Variants in FBRSL1 observed in about 807,000 individuals in gnomAD.
FBRSL1 encodes fibrosin-1-like protein.
Under a neutral mutation model 89.6 loss-of-function variants are expected in FBRSL1, and 51 were observed. The ratio of observed to expected loss-of-function variants is 0.57; its 90% confidence interval spans 0.45 to 0.72. The LOEUF is 0.72. FBRSL1 is among the 30% of genes least tolerant of loss of function. FBRSL1 has a pLI of 0.00. For synonymous variants in FBRSL1, 779 were observed against 681.1 expected (o/e 1.14, Z -2.24); for missense variants, 1,618 against 1,451.8 (o/e 1.11, Z -1.86).
chr12:132,516,837 C>A (rs753476059), intron 2 of FBRSL1, among the ~76,000 whole-genome samples: 1 of 152,198 alleles, frequency 6.6e-6, no homozygotes, highest in Non-Finnish European at 1.5e-5. Flanking sequence ...GGGCAGCTTT[C>A]TGGGCCTCAG....
chr12:132,570,516 C>T lies in FBRSL1; in HGVS notation c.1189C>T (p.Leu397=), dbSNP rs2039937399. The change falls in exon 8 of 19, where the codon CTG becomes TTG. Residue 397 remains leucine, a synonymous_variant. Coordinates refer to ENST00000680143, the MANE Select transcript of FBRSL1 (RefSeq NM_001367871.1). ...GCCCCCGGCGCTGCCGGCCAGCAGCCTGGTCCTCCCAGGACACCCGGCCGG... is the reference window on the plus strand; with the variant it reads ...GCCCCCGGCGCTGCCGGCCAGCAGCTTGGTCCTCCCAGGACACCCGGCCGG... The part of the protein sequence containing the change: ...PPPPALPASS[L]VLPGHPADAS... The T allele has an allele frequency of 6.6e-7, 1 of 1,524,446 alleles. No homozygotes were observed. Among genetic ancestry groups the T allele is most frequent in the Non-Finnish European group, 8.8e-7 (1 of 1,141,050 alleles). 94.4% of individuals were successfully genotyped at this position (1,524,446 alleles called of 1,614,324 possible). A position where few individuals can be genotyped will look rare whatever the true frequency, so the allele number is the denominator to read the frequency against.
intron 15 of FBRSL1, chr12:132,581,056 A>G (rs1048998701): frequency 6.5e-5 from 64 of 985,358 alleles, no homozygotes; most frequent in Non-Finnish European, 7.1e-5. Flanking sequence ...AGAAGTGAGG[A>G]CCATCTATCA....
In FBRSL1 at chr12:132,583,450, G is replaced by A. The variant is rs2040933540; in HGVS notation, c.2681G>A (p.Ser894Asn). 3 of 1,064,010 alleles carry A rather than the reference G, an allele frequency of 2.8e-6. No homozygotes were observed. Among genetic ancestry groups the A allele is most frequent in the Admixed American group, 1.1e-4 (2 of 17,450 alleles). The allele number at this position is 1,064,010 out of a possible 1,614,324, so 65.9% of individuals were successfully genotyped here. A position where few individuals can be genotyped will look rare whatever the true frequency, so the allele number is the denominator to read the frequency against. The part of the protein sequence containing the change: ...PYRDREPHGY[S>N]PERLRGELER... ...CGCGACCGCGAGCCCCACGGCTACA[G>A]CCCCGAGCGCCTGCGCGGGGAGCTG... Residue 894 changes from serine (S) to asparagine (N), a missense_variant, in exon 19 of 19, where the codon AGC becomes AAC. Ser to Asn is a conservative substitution (Grantham distance 46). Coordinates refer to ENST00000680143, the MANE Select transcript of FBRSL1 (RefSeq NM_001367871.1).
At position 132,574,118 on chromosome 12, in the gene FBRSL1, G is replaced by C; in HGVS notation, c.1559G>C (p.Arg520Pro). Residue 520 changes from arginine (R) to proline (P), a missense_variant, in exon 12 of 19, where the codon CGG (arginine) becomes CCG (proline). Transcript: ENST00000680143. Reference sequence around the variant, plus strand: ...TCAAGCCCCATTGAGGTGGCCCGCCGGGCTGGTGCGGTTCACACACTCCTG... The same window carrying C: ...TCAAGCCCCATTGAGGTGGCCCGCCCGGCTGGTGCGGTTCACACACTCCTG... The part of the protein sequence containing the change: ...KTSSPIEVAR[R>P]AGAVHTLLQK... 2.2e-6 allele frequency: 3 copies of C among 1,356,134 alleles called. No homozygotes were observed. The highest frequency in any genetic ancestry group is 2.8e-6 in the Non-Finnish European group (3 of 1,059,600). 84.0% of individuals were successfully genotyped at this position (1,356,134 alleles called of 1,614,324 possible).
At chr12:132,519,999 G>A (rs2035202272) in intron 2 of FBRSL1, among the ~76,000 whole-genome samples, 1 of 151,780 alleles carries the variant, frequency 6.6e-6, no homozygotes, top group Non-Finnish European at 1.5e-5. Context: ...AGCGTGTATG[G>A]GTGGTGAGGA....
chr12:132,567,634 C>T (rs2137808464), intron 6 of FBRSL1, 108 bp downstream of exon 6: 3 of 1,185,316 alleles, frequency 2.5e-6, no homozygotes, highest in South Asian at 2.7e-5. Context: ...ATGGTCTTGG[C>T]ACCTGGGGTG....
rs529677067 is a variant in FBRSL1, at chr12:132,573,748, C to T, written c.1531-342C>T. Among the ~76,000 whole-genome samples the T allele has an allele frequency of 2.1e-3, 321 of 152,294 alleles. 1 individual carries two copies. The highest frequency in any genetic ancestry group is 7.3e-3 in the African/African-American group (302 of 41,556). ...CCCTGGTGGGAAACGACCATCTCCC[C>T]TTGGCCCATCCAGGCTCACAGCAGC... On this transcript the variant is annotated intron_variant, in intron 11 of 18. Coordinates refer to ENST00000680143, the MANE Select transcript of FBRSL1 (RefSeq NM_001367871.1).
At chr12:132,536,605 GGT>G (rs1296382080) in intron 4 of FBRSL1, among the ~76,000 whole-genome samples, 4 of 150,388 alleles carry the variant, frequency 2.7e-5, no homozygotes, top group African/African-American at 4.9e-5. Context: ...TGTACATGAC[GGT>G]GTGTGTGTGA....
chr12:132,579,701 C>T (rs2138104324), intron 15 of FBRSL1, among the ~76,000 whole-genome samples: 1 of 152,328 alleles, frequency 6.6e-6, no homozygotes, highest in South Asian at 2.1e-4. Flanking sequence ...CCTTTACTTT[C>T]CTGTGCTGCA....
chr12:132,528,940 G>GC (rs973972655), intron 4 of FBRSL1, among the ~76,000 whole-genome samples: 10 of 152,114 alleles, frequency 6.6e-5, no homozygotes, highest in African/African-American at 2.4e-4. Context: ...GCCGACCCCT[G>GC]CCCCCCGGAC....
At position 132,572,628 on chromosome 12, in the gene FBRSL1, G is replaced by A. The variant is rs546036067; in HGVS notation, c.1530+6G>A. The A allele has an allele frequency of 1.4e-5, 22 of 1,544,246 alleles. No individual in the cohort carries two copies. The highest frequency in any genetic ancestry group is 3.6e-5 in the South Asian group (3 of 83,990). ...AGGGCGCTTTTCAGCCTAAGGTACC[G>A]CTGCCCCTGGCAGGTGGGGCGGGCA... On this transcript the variant is annotated splice_donor_region_variant and intron_variant, in intron 11 of 18. Transcript: ENST00000680143.
chr12:132,540,974 T>C (rs988212897), intron 4 of FBRSL1, among the ~76,000 whole-genome samples: 1 of 151,708 alleles, frequency 6.6e-6, no homozygotes, highest in African/African-American at 2.4e-5. Flanking sequence ...GGGTACAGCC[T>C]CCCACCACAC....
At chr12:132,577,629 AC>A (rs1365747463) in intron 15 of FBRSL1, among the ~76,000 whole-genome samples, 4 of 149,194 alleles carry the variant, frequency 2.7e-5, no homozygotes, top group Non-Finnish European at 4.5e-5. Context: ...CCCCCGAGTC[AC>A]CCCCTCCCCC....
intron 5 of FBRSL1, among the ~76,000 whole-genome samples, chr12:132,557,558 T>C (rs2038780200): frequency 6.6e-6 from 1 of 152,138 alleles, no homozygotes; most frequent in East Asian, 1.9e-4. Flanking sequence ...TGTTCCAGGA[T>C]GGTCAGTGCT....
At chr12:132,567,926 G>A (rs184795679) in intron 6 of FBRSL1, among the ~76,000 whole-genome samples, 24 of 152,314 alleles carry the variant, frequency 1.6e-4, no homozygotes, top group Admixed American at 6.5e-5. Context: ...TGCTGCCTGC[G>A]CGCCTCTGTG....
At chr12:132,501,006 C>T (rs946520483) in intron 1 of FBRSL1, among the ~76,000 whole-genome samples, 1 of 152,252 alleles carries the variant, frequency 6.6e-6, no homozygotes, top group Non-Finnish European at 1.5e-5. Context: ...GTGCCTCTCC[C>T]CAGGGACCAT....
chr12:132,502,274 G>A (rs2033080833), intron 1 of FBRSL1, among the ~76,000 whole-genome samples: 1 of 152,180 alleles, frequency 6.6e-6, no homozygotes, highest in South Asian at 2.1e-4. Flanking sequence ...TGGTGGCCGG[G>A]GCAGGCTCCA....
At chr12:132,573,517 CG>C (rs1450585224) in intron 11 of FBRSL1, among the ~76,000 whole-genome samples, 2 of 152,276 alleles carry the variant, frequency 1.3e-5, no homozygotes. Context: ...GACTGGGACT[CG>C]GGGGTACTGC....
In FBRSL1 at chr12:132,582,193, G is replaced by A. The variant is rs1270905007; in HGVS notation, c.2128G>A (p.Val710Met). 6.5e-7 allele frequency: 1 copy of A among 1,550,148 alleles called. No individual in the cohort carries two copies. Among genetic ancestry groups the A allele is most frequent in the Non-Finnish European group, 8.7e-7 (1 of 1,146,854 alleles). ...GGCTCCGCCCCCGTGGCCCAAGTCC[G>A]TGGACGCGGAGCGGGTGTCAGCCCT... Reference protein sequence around the residue: ...FPAPPPWPKSVDAERVSALTN... With the variant: ...FPAPPPWPKSMDAERVSALTN... Residue 710 changes from valine (V) to methionine (M), a missense_variant, in exon 18 of 19, where the codon GTG (valine) becomes ATG (methionine). By Grantham distance (21) the Val-to-Met change is conservative (BLOSUM62 1). Transcript: ENST00000680143.
Sources: gnomAD v4.1 joint callset for allele counts (sites outside exome capture counted in the v4.1 genomes callset) on GRCh38, gnomAD v4.1.1 for gene constraint, MANE v1.5 for transcripts, NCBI Gene and HGNC (gene_info 2026-07-23, HGNC 2026-07-21) for gene names.